Variants in ZMYM1 observed in about 807,000 individuals in gnomAD.
ZMYM1 encodes the protein zinc finger MYM-type protein 1.
Under a neutral mutation model 60.0 loss-of-function variants are expected in ZMYM1, and 39 were observed. The observed-to-expected ratio is 0.65, with a 90% confidence interval of 0.50 to 0.85. The LOEUF is 0.85. Among genes scored for constraint, ZMYM1 ranks in the 40% least tolerant of loss-of-function variants. The pLI, the probability that ZMYM1 is intolerant of heterozygous loss-of-function variation, is 0.00. For synonymous variants in ZMYM1, 413 were observed against 454.0 expected, an observed-to-expected ratio of 0.91 and a Z score of 1.15; for missense variants, 1,171 against 1,309.5, an observed-to-expected ratio of 0.89 and a Z score of 1.63.
intron 4 of ZMYM1, among the ~76,000 whole-genome samples, chr1:35,102,867 C>A (rs368411375): frequency 3.9e-5 from 6 of 152,142 alleles, no homozygotes; most frequent in Admixed American, 1.3e-4. Flanking sequence ...CACCCTACCA[C>A]TTGGCCAAGA....
downstream of ZMYM1, among the ~76,000 whole-genome samples, chr1:35,117,864 C>T (rs534823862): frequency 1.3e-5 from 2 of 152,086 alleles, no homozygotes; most frequent in Admixed American, 1.3e-4. Context: ...AGCTTGAACC[C>T]CAAAGGCTGT....
At chr1:35,093,758 T>C (rs1643158167) in intron 1 of ZMYM1, among the ~76,000 whole-genome samples, 156 bp from the exon 2 acceptor site, 1 of 152,108 alleles carries the variant, frequency 6.6e-6, no homozygotes, top group Non-Finnish European at 1.5e-5. Flanking sequence ...CAAAACTATA[T>C]TGAAGAATAA....
chr1:35,100,451 GTC>G (rs1444423185), intron 4 of ZMYM1, among the ~76,000 whole-genome samples: 14 of 151,860 alleles, frequency 9.2e-5, no homozygotes, highest in African/African-American at 3.4e-4. Flanking sequence ...ACAAATCCCT[GTC>G]TCTACTAAAA....
intron 6 of ZMYM1, among the ~76,000 whole-genome samples, chr1:35,109,106 G>C (rs992631519): frequency 1.3e-5 from 2 of 151,986 alleles, no homozygotes; most frequent in Admixed American, 1.3e-4. Flanking sequence ...TGCAACCTCT[G>C]TCTTCCTGGG....
intron 1 of ZMYM1, among the ~76,000 whole-genome samples, chr1:35,065,430 C>T (rs11263992): frequency 0.2 from 29,645 of 151,268 alleles, 6,596 homozygotes; most frequent in African/African-American, 0.54. Context: ...ATAATACATA[C>T]AGAAAATATA....
chr1:35,111,421 A>G (rs1474724718), intron 7 of ZMYM1, among the ~76,000 whole-genome samples: 3 of 152,208 alleles, frequency 2.0e-5, no homozygotes, highest in African/African-American at 7.2e-5. Context: ...GAAGAGTTTG[A>G]AATAGATGCC....
At chr1:35,076,702 G>A (rs1270322857), upstream of ZMYM1, among the ~76,000 whole-genome samples, 1 of 151,598 alleles carries the variant, frequency 6.6e-6, no homozygotes, top group Non-Finnish European at 1.5e-5. Flanking sequence ...GGAGGCTGAG[G>A]TGGGCAGATC....
rs1321523669 is a variant in ZMYM1, at chr1:35,113,229, T to A, written c.1399T>A (p.Leu467Met). Residue 467 changes from leucine to methionine, a missense_variant, in exon 10 of 10, where the codon TTG becomes ATG. By Grantham distance (15) the Leu-to-Met change is conservative. Transcript: ENST00000359858. The stretch of plus-strand genomic sequence containing the variant: ...ATCTTGTTGTGCAGATTTTGAGTGT[T>A]TGGAAAACAGTAAAAAAGATGTGGC... The part of the protein sequence containing the change: ...KKSCCADFEC[L>M]ENSKKDVAFC... 1 of 1,613,346 alleles carries A rather than the reference T, an allele frequency of 6.2e-7. No homozygotes were observed. The highest frequency in any genetic ancestry group is 8.5e-7 in the Non-Finnish European group (1 of 1,179,364).
chr1:35,105,226 G>A (rs1156625953), intron 6 of ZMYM1, among the ~76,000 whole-genome samples: 1 of 134,276 alleles, frequency 7.4e-6, no homozygotes, highest in Non-Finnish European at 1.5e-5. Context: ...GTTCTGCCTC[G>A]CGGGTTCATG....
intron 1 of ZMYM1, among the ~76,000 whole-genome samples, chr1:35,065,389 T>C (rs983172418): frequency 6.6e-6 from 1 of 152,072 alleles, no homozygotes; most frequent in Non-Finnish European, 1.5e-5. Flanking sequence ...TCTTCTTTTC[T>C]CTAGCTTACT....
upstream of ZMYM1, among the ~76,000 whole-genome samples, chr1:35,077,567 T>C (rs1252313932): frequency 1.3e-5 from 2 of 152,152 alleles, no homozygotes; most frequent in African/African-American, 4.8e-5. Context: ...GTGCTTGAGA[T>C]ATTTTGCAGA....
At position 35,110,386 on chromosome 1, in the gene ZMYM1, G is replaced by T. The variant is rs756214162; in HGVS notation, c.900G>T (p.Glu300Asp). Residue 300 changes from glutamate to aspartate, a missense_variant, in exon 7 of 10, where the codon GAG (glutamate) becomes GAT (aspartate). By Grantham distance (45) the Glu-to-Asp change is conservative (BLOSUM62 2). Coordinates refer to ENST00000359858, the MANE Select transcript of ZMYM1 (RefSeq NM_024772.5). ...IETTSDLGKT[E>D]LFCSINCFSA... Reference sequence around the variant, plus strand: ...CTACGAGTGATTTGGGGAAGACAGAGCTTTTCTGCTCTATTAATTGTTTCT... The same window carrying T: ...CTACGAGTGATTTGGGGAAGACAGATCTTTTCTGCTCTATTAATTGTTTCT... 5.0e-6 allele frequency: 8 copies of T among 1,592,558 alleles called. No individual in the cohort carries two copies. The South Asian group carries it at 9.1e-5, about 18-fold the overall frequency.
chr1:35,064,292 C>CA (rs371084383), intron 1 of ZMYM1, among the ~76,000 whole-genome samples: 2,404 of 53,738 alleles, frequency 0.045, 72 homozygotes, highest in African/African-American at 0.065. Flanking sequence ...GATCCTGTCT[C>CA]AAAAAAAAAA....
At chr1:35,104,220 A>G in intron 4 of ZMYM1, 75 bp from the exon 5 acceptor site, 2 of 1,269,060 alleles carry the variant, frequency 1.6e-6, no homozygotes, top group Non-Finnish European at 2.1e-6. Context: ...CTAATTTGAG[A>G]GGTCATTTCA....
At chr1:35,062,554 G>T (rs552141769) in intron 1 of ZMYM1, among the ~76,000 whole-genome samples, 135 of 152,360 alleles carry the variant, frequency 8.9e-4, no homozygotes, top group African/African-American at 3.1e-3. Flanking sequence ...GTACACTGAA[G>T]TAGGAGATAC....
chr1:35,060,176 A>ATTATTATTATTATTATTT (rs1553135162), intron 1 of ZMYM1, among the ~76,000 whole-genome samples: 3 of 148,752 alleles, frequency 2.0e-5, no homozygotes, highest in African/African-American at 7.4e-5. Context: ...TATTATTATT[A>ATTATTATTATTATTATTT]TTATTATTTT....
In ZMYM1 at chr1:35,114,196, G is replaced by A. The variant is rs144670537; in HGVS notation, c.2366G>A (p.Arg789Gln). The A allele has an allele frequency of 1.1e-4, 184 of 1,612,184 alleles. No individual in the cohort carries two copies. The African/African-American group carries it at 1.6e-3, about 14-fold the overall frequency. Residue 789 changes from arginine to glutamine, a missense_variant, in exon 10 of 10, where the codon CGA becomes CAA. By Grantham distance (43) the Arg-to-Gln change is conservative. Transcript: ENST00000359858. ...CMSGEMLANF[R>Q]NIYRLSQNKT... ...TCTGGGGAAATGTTGGCAAATTTTCGAAACATTTATAGGCTAAGTCAAAAC... is the reference window on the plus strand; with the variant it reads ...TCTGGGGAAATGTTGGCAAATTTTCAAAACATTTATAGGCTAAGTCAAAAC...
At chr1:35,061,577 C>T (rs1364522895) in intron 1 of ZMYM1, among the ~76,000 whole-genome samples, 3 of 151,796 alleles carry the variant, frequency 2.0e-5, no homozygotes, top group African/African-American at 7.3e-5. Context: ...GAGATCAAGA[C>T]CATCCTGGCT....
chr1:35,078,678 A>T (rs1569856117), upstream of ZMYM1, among the ~76,000 whole-genome samples: 1 of 150,520 alleles, frequency 6.6e-6, no homozygotes, highest in Non-Finnish European at 1.5e-5. Flanking sequence ...ACTCCCAAGT[A>T]GCTGGGATTA....
Sources: allele counts gnomAD v4.1 joint callset (sites outside exome capture counted in the v4.1 genomes callset), GRCh38; gene constraint gnomAD v4.1.1; transcripts MANE v1.5; gene names NCBI Gene and HGNC (gene_info 2026-07-23, HGNC 2026-07-21).